The following KLHL32 variants were observed in gnomAD, a reference collection of about 807,000 sequenced individuals.
KLHL32 encodes kelch like family member 32.
In KLHL32, 35 loss-of-function variants were observed where a neutral mutation model predicts 64.8. The observed-to-expected ratio is 0.54, with a 90% confidence interval of 0.41 to 0.72. The LOEUF (loss-of-function observed/expected upper bound fraction) is 0.72. Ranked by LOEUF, KLHL32 falls within the 30% of genes least tolerant of loss-of-function variation. The pLI, the probability that KLHL32 is intolerant of heterozygous loss-of-function variation, is 0.00. For missense variants in KLHL32, 589 were observed against 768.5 expected (o/e 0.77, Z 2.76); for synonymous variants, 259 against 281.0 (o/e 0.92, Z 0.78).
chr6:96,940,997 G>A (rs1339785054), intron 1 of KLHL32, among the ~76,000 whole-genome samples: 3 of 152,310 alleles, frequency 2.0e-5, no homozygotes, highest in East Asian at 1.9e-4. Flanking sequence ...AAATAGAAAC[G>A]TGAAGTGCAT....
intron 8 of KLHL32, 127 bp downstream of exon 8, chr6:97,127,589 GA>G (rs1799009353): frequency 1.3e-6 from 1 of 791,346 alleles, no homozygotes; most frequent in Non-Finnish European, 2.1e-6. Flanking sequence ...TAGAGAAAAG[GA>G]AGCATCTGAA....
chr6:97,101,635 C>T (rs929743743), intron 6 of KLHL32, among the ~76,000 whole-genome samples: 2 of 152,204 alleles, frequency 1.3e-5, no homozygotes, highest in Non-Finnish European at 2.9e-5. Flanking sequence ...TTCATGCATT[C>T]GTTCATGCTT....
chr6:97,111,675 A>T (rs181940342), intron 6 of KLHL32, among the ~76,000 whole-genome samples: 516 of 152,314 alleles, frequency 3.4e-3, no homozygotes, highest in Non-Finnish European at 5.3e-3. Context: ...TTAAATATTA[A>T]CAGCTCAGTG....
intron 2 of KLHL32, among the ~76,000 whole-genome samples, chr6:96,972,083 C>G (rs1775177428): frequency 6.6e-6 from 1 of 152,084 alleles, no homozygotes; most frequent in Admixed American, 6.5e-5. Flanking sequence ...AACTCCTGAC[C>G]TCAGATGATC....
chr6:96,939,895 G>A lies in KLHL32; in HGVS notation c.-66+14869G>A, dbSNP rs190927917. 1.2e-3 allele frequency among the ~76,000 whole-genome samples: 178 copies of A among 152,190 alleles called. 1 individual carries two copies. The highest frequency in any genetic ancestry group is 4.1e-3 in the African/African-American group (171 of 41,510). On this transcript the variant is annotated intron_variant, in intron 1 of 10. Coordinates refer to ENST00000369261, the MANE Select transcript of KLHL32 (RefSeq NM_052904.4). ...CTGGTTCAGATCAAAGGTCATAGAA[G>A]TAGCTTAGCCTAGGGAGGTGGGAAT...
intron 4 of KLHL32, among the ~76,000 whole-genome samples, chr6:97,046,206 C>T (rs777407908): frequency 4.6e-5 from 7 of 152,124 alleles, no homozygotes; most frequent in East Asian, 1.9e-4. Flanking sequence ...GCACTTTATG[C>T]GTGCTGTTTA....
intron 3 of KLHL32, among the ~76,000 whole-genome samples, chr6:97,008,648 A>G (rs932734789): frequency 6.6e-6 from 1 of 151,820 alleles, no homozygotes; most frequent in Non-Finnish European, 1.5e-5. Flanking sequence ...GATTCTGGAG[A>G]TCCAAGGTGA....
At chr6:97,023,546 T>TA (rs1228646482) in intron 3 of KLHL32, among the ~76,000 whole-genome samples, 1 of 152,208 alleles carries the variant, frequency 6.6e-6, no homozygotes. Context: ...AGTATGGCAT[T>TA]ACTGATGCTG....
intron 1 of KLHL32, among the ~76,000 whole-genome samples, chr6:96,966,512 A>G (rs1562198468): frequency 6.6e-6 from 1 of 152,092 alleles, no homozygotes; most frequent in East Asian, 1.9e-4. Context: ...TTTTCCACCT[A>G]CTTTTCAGAA....
intron 2 of KLHL32, 32 bp downstream of exon 2, chr6:96,967,115 G>A (rs56364902): frequency 1.6e-5 from 25 of 1,606,070 alleles, no homozygotes; most frequent in South Asian, 5.5e-5. Flanking sequence ...CTCACATGCC[G>A]TAGTGAGCCC....
At chr6:96,968,166 C>T (rs555047800) in intron 2 of KLHL32, among the ~76,000 whole-genome samples, 1 of 152,280 alleles carries the variant, frequency 6.6e-6, no homozygotes, top group East Asian at 1.9e-4. Flanking sequence ...AACGCCTCTG[C>T]ACTCCCTATG....
intron 6 of KLHL32, among the ~76,000 whole-genome samples, chr6:97,096,364 C>G (rs1356011638): frequency 6.6e-6 from 1 of 152,124 alleles, no homozygotes; most frequent in Non-Finnish European, 1.5e-5. Flanking sequence ...GCAGCACTGA[C>G]CTAAATCATA....
At chr6:96,937,248 C>G (rs989612650) in intron 1 of KLHL32, among the ~76,000 whole-genome samples, 1 of 152,198 alleles carries the variant, frequency 6.6e-6, no homozygotes, top group Non-Finnish European at 1.5e-5. Flanking sequence ...CCCTCTCCAT[C>G]ATAGGTAACC....
the KLHL32 span, among the ~76,000 whole-genome samples, chr6:96,908,738 C>T: frequency 2.6e-5 from 4 of 151,886 alleles, no homozygotes; most frequent in Admixed American, 1.3e-4. Context: ...ACTGTCCGCA[C>T]CCCCCTCCCT....
intron 10 of KLHL32, among the ~76,000 whole-genome samples, chr6:97,136,331 A>T (rs181965365): frequency 1.3e-5 from 2 of 152,354 alleles, no homozygotes; most frequent in Admixed American, 1.3e-4. Context: ...TTGAAAAAGC[A>T]TACTTTATTT....
intron 10 of KLHL32, among the ~76,000 whole-genome samples, chr6:97,136,168 G>T (rs534051079): frequency 6.6e-6 from 1 of 152,262 alleles, no homozygotes; most frequent in South Asian, 2.1e-4. Context: ...TTCTGAGATT[G>T]TTCTATTAAC....
intron 6 of KLHL32, among the ~76,000 whole-genome samples, chr6:97,089,039 C>T (rs907384771): frequency 6.6e-6 from 1 of 152,194 alleles, no homozygotes; most frequent in Non-Finnish European, 1.5e-5. Context: ...GAAAGTATGG[C>T]TCTCCACCCA....
chr6:96,913,761 A>G, the KLHL32 span, among the ~76,000 whole-genome samples: 2 of 152,168 alleles, frequency 1.3e-5, no homozygotes, highest in African/African-American at 4.8e-5. Context: ...TTCCCTTAAC[A>G]TATGTGCACC....
At chr6:96,919,325 A>AAATC in the KLHL32 span, among the ~76,000 whole-genome samples, 1 of 152,230 alleles carries the variant, frequency 6.6e-6, no homozygotes, top group Non-Finnish European at 1.5e-5. Flanking sequence ...ACTCTGATTT[A>AAATC]AAAGTATTGT....
Sources: allele counts gnomAD v4.1 joint callset (sites outside exome capture counted in the v4.1 genomes callset), GRCh38; gene constraint gnomAD v4.1.1; transcripts MANE v1.5; gene names NCBI Gene and HGNC (gene_info 2026-07-23, HGNC 2026-07-21).